Variants in SLC8A1 observed in about 807,000 individuals in gnomAD.
SLC8A1 encodes sodium/calcium exchanger 1.
In SLC8A1, 18 loss-of-function variants were observed where a neutral mutation model predicts 68.3. The observed-to-expected ratio is 0.26, with a 90% CI of 0.18 to 0.39. The LOEUF (loss-of-function observed/expected upper bound fraction) is 0.39, where lower values mean the gene tolerates loss of function less well. Among genes scored for constraint, SLC8A1 ranks in the 10% least tolerant of loss-of-function variants. The pLI is 1.00. For missense variants in SLC8A1, 985 were observed against 1,156.7 expected (o/e 0.85, Z 2.15); for synonymous variants, 475 against 415.5 (o/e 1.14, Z -1.74).
chr2:40,302,160 G>A (rs2071611183), intron 2 of SLC8A1, among the ~76,000 whole-genome samples: 1 of 151,468 alleles, frequency 6.6e-6, no homozygotes, highest in Admixed American at 6.6e-5. Flanking sequence ...GCCTCCCAGT[G>A]TGCTGGGATT....
intron 2 of SLC8A1, among the ~76,000 whole-genome samples, chr2:40,365,357 C>T (rs1675822121): frequency 6.6e-6 from 1 of 152,124 alleles, no homozygotes; most frequent in African/African-American, 2.4e-5. Flanking sequence ...TATCTTTACA[C>T]ATCCAAACAT....
chr2:40,176,086 T>C, intron 3 of SLC8A1: 1 of 361,938 alleles, frequency 2.8e-6, no homozygotes. Flanking sequence ...GCCCAGAATG[T>C]ACTGTAGCAC....
chr2:40,216,034 T>A (rs773380222), intron 2 of SLC8A1, among the ~76,000 whole-genome samples: 34 of 136,820 alleles, frequency 2.5e-4, no homozygotes, highest in East Asian at 4.0e-4. Flanking sequence ...TACAATTTTT[T>A]AAAAATTTTA....
intron 7 of SLC8A1, among the ~76,000 whole-genome samples, chr2:40,132,701 G>A (rs2039629478): frequency 6.6e-6 from 1 of 152,104 alleles, no homozygotes; most frequent in Non-Finnish European, 1.5e-5. Context: ...ATGTTTTGTA[G>A]CACAGTGCTG....
chr2:40,234,635 T>C (rs909637625), intron 2 of SLC8A1, among the ~76,000 whole-genome samples: 3 of 152,210 alleles, frequency 2.0e-5, no homozygotes, highest in Non-Finnish European at 4.4e-5. Context: ...TCCAACAATA[T>C]GTTGAATAGG....
intron 2 of SLC8A1, among the ~76,000 whole-genome samples, chr2:40,345,560 TA>T (rs1668988542): frequency 1.3e-5 from 2 of 151,692 alleles, no homozygotes; most frequent in South Asian, 4.2e-4. Context: ...AATAAATGAA[TA>T]AAAAAAAGAA....
chr2:40,149,074 G>A (rs2042960772), intron 6 of SLC8A1, among the ~76,000 whole-genome samples: 1 of 152,072 alleles, frequency 6.6e-6, no homozygotes, highest in South Asian at 2.1e-4. Flanking sequence ...ATTTGGTCAA[G>A]GCCTGGTGCA....
chr2:40,300,316 C>T (rs905438400), intron 2 of SLC8A1, among the ~76,000 whole-genome samples: 2 of 152,090 alleles, frequency 1.3e-5, no homozygotes, highest in South Asian at 2.1e-4. Context: ...ACCCATCTGA[C>T]AGATGAGAAA....
At chr2:40,326,671 T>C (rs2075859964) in intron 2 of SLC8A1, among the ~76,000 whole-genome samples, 1 of 152,206 alleles carries the variant, frequency 6.6e-6, no homozygotes, top group Non-Finnish European at 1.5e-5. Flanking sequence ...AACAAATTTC[T>C]GGTACTGATC....
intron 2 of SLC8A1, among the ~76,000 whole-genome samples, chr2:40,291,552 AG>A (rs2069323351): frequency 6.6e-6 from 1 of 152,074 alleles, no homozygotes; most frequent in Admixed American, 6.6e-5. Context: ...TCAAAGAGGC[AG>A]GGGTTTGTGG....
At chr2:40,287,254 A>T (rs2068469065) in intron 2 of SLC8A1, among the ~76,000 whole-genome samples, 1 of 152,198 alleles carries the variant, frequency 6.6e-6, no homozygotes, top group South Asian at 2.1e-4. Context: ...CAAATATAAT[A>T]ATTAGAGAAC....
intron 2 of SLC8A1, among the ~76,000 whole-genome samples, chr2:40,338,233 G>A (rs1396832207): frequency 1.3e-5 from 2 of 152,146 alleles, no homozygotes; most frequent in Non-Finnish European, 2.9e-5. Context: ...TTCATAGCAA[G>A]AGAAGCCTGG....
At chr2:40,098,330 A>G (rs1434960054) in exon 8 of SLC8A1, 1 of 152,054 alleles carries the variant, frequency 6.6e-6, no homozygotes, top group African/African-American at 2.4e-5. Context: ...AAATTATAGG[A>G]GTCAAAATTT....
At chr2:40,378,797 C>A (rs1406750684) in intron 2 of SLC8A1, among the ~76,000 whole-genome samples, 3 of 152,108 alleles carry the variant, frequency 2.0e-5, no homozygotes, top group African/African-American at 7.2e-5. Context: ...AGCGAACTCA[C>A]TTCTCTCTTT....
chr2:40,298,698 C>G (rs1288731155), intron 2 of SLC8A1, among the ~76,000 whole-genome samples: 2 of 152,104 alleles, frequency 1.3e-5, no homozygotes, highest in Non-Finnish European at 2.9e-5. Context: ...AAAATGGTAA[C>G]ATACGTGCTG....
intron 2 of SLC8A1, among the ~76,000 whole-genome samples, chr2:40,184,876 A>T (rs2050361061): frequency 7.0e-6 from 1 of 142,562 alleles, no homozygotes; most frequent in African/African-American, 2.6e-5. Context: ...CTTACAGCTT[A>T]CAAAGACAAA....
intron 1 of SLC8A1, among the ~76,000 whole-genome samples, chr2:40,471,329 AT>A (rs1309926722): frequency 6.6e-6 from 1 of 151,950 alleles, no homozygotes; most frequent in Non-Finnish European, 1.5e-5. Context: ...CCTCAGCTGC[AT>A]TTCCTTCTTT....
intron 2 of SLC8A1, among the ~76,000 whole-genome samples, chr2:40,182,420 T>G (rs537751143): frequency 6.6e-6 from 1 of 152,142 alleles, no homozygotes; most frequent in Non-Finnish European, 1.5e-5. Context: ...AATCTTACGA[T>G]AGCATTGAAA....
At chr2:40,272,214 T>C (rs2066133389) in intron 2 of SLC8A1, among the ~76,000 whole-genome samples, 1 of 152,200 alleles carries the variant, frequency 6.6e-6, no homozygotes, top group Non-Finnish European at 1.5e-5. Context: ...CTCTCCTTTG[T>C]TCTTATTCAT....
Sources: gnomAD v4.1 joint callset for allele counts (sites outside exome capture counted in the v4.1 genomes callset) on GRCh38, gnomAD v4.1.1 for gene constraint, MANE v1.5 for transcripts, NCBI Gene and HGNC (gene_info 2026-07-23, HGNC 2026-07-21) for gene names.